Variants in PRR16 observed in about 807,000 individuals in gnomAD.
The protein encoded by PRR16 is protein Largen.
In PRR16, 6 loss-of-function variants were observed where a neutral mutation model predicts 18.2. The ratio of observed to expected loss-of-function variants is 0.33; its 90% CI spans 0.18 to 0.65. The LOEUF is 0.65. PRR16 is among the 30% of genes least tolerant of loss of function. PRR16 has a pLI of 0.74. For synonymous variants in PRR16, 151 were observed against 147.8 expected, an observed-to-expected ratio of 1.02 and a Z score of -0.16; for missense variants, 412 against 376.6, an observed-to-expected ratio of 1.09 and a Z score of -0.78.
intron 1 of PRR16, among the ~76,000 whole-genome samples, chr5:120,554,860 AG>A (rs1223300210): frequency 1.3e-5 from 2 of 151,938 alleles, no homozygotes; most frequent in African/African-American, 4.8e-5. Flanking sequence ...AACACAAGAA[AG>A]ATACCTAAAC....
intron 1 of PRR16, among the ~76,000 whole-genome samples, chr5:120,655,056 A>G (rs1374795798): frequency 6.6e-6 from 1 of 151,968 alleles, no homozygotes; most frequent in East Asian, 1.9e-4. Context: ...CACCAATCAT[A>G]ATTATTGATC....
At chr5:120,678,192 ACTG>A (rs1486553770) in intron 1 of PRR16, among the ~76,000 whole-genome samples, 1 of 151,996 alleles carries the variant, frequency 6.6e-6, no homozygotes, top group African/African-American at 2.4e-5. Flanking sequence ...TAAGCTGTAA[ACTG>A]CTTTTTATGT....
chr5:120,595,305 T>C (rs1162267142), intron 1 of PRR16, among the ~76,000 whole-genome samples: 1 of 151,674 alleles, frequency 6.6e-6, no homozygotes. Context: ...TATAGACATA[T>C]AGAAGACATA....
At chr5:120,737,694 G>A in the PRR16 span, among the ~76,000 whole-genome samples, 6,782 of 149,970 alleles carry the variant, frequency 0.045, 540 homozygotes, top group African/African-American at 0.16. Flanking sequence ...TCTATTTTCA[G>A]TTTCTGGTAG....
At chr5:120,698,376 G>A in the PRR16 span, among the ~76,000 whole-genome samples, 1 of 152,082 alleles carries the variant, frequency 6.6e-6, no homozygotes, top group African/African-American at 2.4e-5. Context: ...GAGGACCCAG[G>A]ACATCTGATT....
chr5:120,496,452 G>A (rs1397294621), intron 1 of PRR16, among the ~76,000 whole-genome samples: 1 of 151,868 alleles, frequency 6.6e-6, no homozygotes, highest in African/African-American at 2.4e-5. Context: ...GTTTTTCAAG[G>A]AACTGATGTA....
In PRR16 at chr5:120,548,562, G is replaced by C. The variant is rs191394891; in HGVS notation, c.159+83917G>C. 9.9e-4 allele frequency among the ~76,000 whole-genome samples: 150 copies of C among 152,124 alleles called. 2 individuals carry two copies. Among genetic ancestry groups the C allele is most frequent in the South Asian group, 3.7e-3 (18 of 4,826 alleles). On this transcript the variant is annotated intron_variant, in intron 1 of 1. Transcript: ENST00000407149. ...GAAAAATAACAACTCAGTTATTTTA[G>C]GCTGTTTGTGTTCTTTCTGGATGAC...
chr5:120,523,841 G>A (rs556671008), intron 1 of PRR16, among the ~76,000 whole-genome samples: 1 of 152,188 alleles, frequency 6.6e-6, no homozygotes, highest in East Asian at 1.9e-4. Context: ...TTAAGCTCAT[G>A]TCAGAAACAC....
chr5:120,541,155 GT>G (rs942690709), intron 1 of PRR16, among the ~76,000 whole-genome samples: 3 of 151,706 alleles, frequency 2.0e-5, no homozygotes, highest in African/African-American at 7.3e-5. Context: ...TTTGTTTCTT[GT>G]TTTTTTTGGA....
chr5:120,617,960 G>T (rs997009230), intron 1 of PRR16, among the ~76,000 whole-genome samples: 1 of 151,950 alleles, frequency 6.6e-6, no homozygotes, highest in Admixed American at 6.6e-5. Flanking sequence ...AGGTTTCTTT[G>T]GTCTCAGTAT....
At chr5:120,566,756 G>T (rs1752750968) in intron 1 of PRR16, among the ~76,000 whole-genome samples, 1 of 152,164 alleles carries the variant, frequency 6.6e-6, no homozygotes, top group Non-Finnish European at 1.5e-5. Flanking sequence ...CAATGTCCAT[G>T]CTTGTCACTC....
chr5:120,704,308 A>G, the PRR16 span, among the ~76,000 whole-genome samples: 7 of 152,242 alleles, frequency 4.6e-5, no homozygotes, highest in East Asian at 1.9e-4. Flanking sequence ...CCTGGTTTCT[A>G]TGAGTGTGGG....
the PRR16 span, among the ~76,000 whole-genome samples, chr5:120,728,655 A>C: frequency 6.6e-6 from 1 of 152,108 alleles, no homozygotes; most frequent in Non-Finnish European, 1.5e-5. Flanking sequence ...ATTTATTCAG[A>C]CTCTACAGCG....
chr5:120,685,857 G>T, intron 1 of PRR16, 97 bp from the exon 2 acceptor site: 1 of 1,245,880 alleles, frequency 8.0e-7, no homozygotes, highest in South Asian at 1.5e-5. Context: ...ATCAGTTAAG[G>T]CTTCCATAGC....
chr5:120,685,920 T>A, intron 1 of PRR16, 34 bp from the exon 2 acceptor site: 1 of 1,572,408 alleles, frequency 6.4e-7, no homozygotes, highest in East Asian at 2.3e-5. Flanking sequence ...GTTTGGGTCA[T>A]TCTTCAAAAC....
the PRR16 span, among the ~76,000 whole-genome samples, chr5:120,730,933 A>C: frequency 6.6e-6 from 1 of 152,142 alleles, no homozygotes; most frequent in African/African-American, 2.4e-5. Context: ...ATCTTTACTT[A>C]GTCTAAAAAC....
At chr5:120,659,696 G>C (rs1756108877) in intron 1 of PRR16, among the ~76,000 whole-genome samples, 1 of 151,770 alleles carries the variant, frequency 6.6e-6, no homozygotes, top group Non-Finnish European at 1.5e-5. Flanking sequence ...TATATTCCTT[G>C]AGAACATGAG....
At chr5:120,718,398 C>T in the PRR16 span, among the ~76,000 whole-genome samples, 1 of 152,008 alleles carries the variant, frequency 6.6e-6, no homozygotes, top group Non-Finnish European at 1.5e-5. Flanking sequence ...AGGCAAGAAA[C>T]CTATCTTTTT....
At chr5:120,567,501 G>C (rs1429208193) in intron 1 of PRR16, among the ~76,000 whole-genome samples, 2 of 152,128 alleles carry the variant, frequency 1.3e-5, no homozygotes, top group African/African-American at 4.8e-5. Context: ...GGTCAGCCCT[G>C]TGCAGCACAT....
Sources: gnomAD v4.1 joint callset for allele counts (sites outside exome capture counted in the v4.1 genomes callset) on GRCh38, gnomAD v4.1.1 for gene constraint, MANE v1.5 for transcripts, NCBI Gene and HGNC (gene_info 2026-07-23, HGNC 2026-07-21) for gene names.